The following RAB3C variants were observed in gnomAD, a reference collection of about 807,000 sequenced individuals.
RAB3C encodes the protein ras-related protein Rab-3C.
RAB3C carries 17 observed loss-of-function variants against 26.4 expected under a neutral mutation model. That is an observed-to-expected ratio of 0.64 (90% CI 0.44 to 0.97). RAB3C has a LOEUF of 0.97. Among genes scored for constraint, RAB3C ranks in the 50% least tolerant of loss-of-function variants. RAB3C has a pLI of 0.00. For synonymous variants in RAB3C, 91 were observed against 95.9 expected, an observed-to-expected ratio of 0.95 and a Z score of 0.30; for missense variants, 242 against 281.9, an observed-to-expected ratio of 0.86 and a Z score of 1.01.
At chr5:58,702,902 A>T (rs1748876470) in intron 2 of RAB3C, among the ~76,000 whole-genome samples, 1 of 152,168 alleles carries the variant, frequency 6.6e-6, no homozygotes, top group African/African-American at 2.4e-5. Flanking sequence ...CATGCTGTAA[A>T]ATTTTGGAAC....
At chr5:58,729,066 A>G (rs1740946980) in intron 3 of RAB3C, among the ~76,000 whole-genome samples, 1 of 151,948 alleles carries the variant, frequency 6.6e-6, no homozygotes, top group African/African-American at 2.4e-5. Context: ...ACCTTTATTC[A>G]TAACAGACAA....
chr5:58,588,270 A>G (rs1746053469), intron 1 of RAB3C, among the ~76,000 whole-genome samples: 1 of 152,220 alleles, frequency 6.6e-6, no homozygotes, highest in Non-Finnish European at 1.5e-5. Context: ...AAGCTTTATA[A>G]GAAACAATCA....
intron 3 of RAB3C, among the ~76,000 whole-genome samples, chr5:58,790,048 TC>T (rs1460184151): frequency 4.6e-5 from 7 of 152,342 alleles, no homozygotes; most frequent in African/African-American, 1.7e-4. Flanking sequence ...ATAAGTATTT[TC>T]CCCTTAACGG....
At chr5:58,747,497 C>A (rs1431783366) in intron 3 of RAB3C, among the ~76,000 whole-genome samples, 1 of 152,166 alleles carries the variant, frequency 6.6e-6, no homozygotes, top group Non-Finnish European at 1.5e-5. Context: ...CCTTTCACTT[C>A]TTTCTACCAT....
chr5:58,729,142 T>C (rs1193151991), intron 3 of RAB3C, among the ~76,000 whole-genome samples: 1 of 152,022 alleles, frequency 6.6e-6, no homozygotes, highest in Admixed American at 6.6e-5. Context: ...ACGTAAGACC[T>C]AGCGGACTCT....
intron 3 of RAB3C, among the ~76,000 whole-genome samples, chr5:58,740,536 T>A (rs1741254173): frequency 6.6e-6 from 1 of 152,194 alleles, no homozygotes; most frequent in African/African-American, 2.4e-5. Flanking sequence ...AAATAAAATA[T>A]CTTGGCCAGG....
At chr5:58,815,763 C>T (rs1743202724) in intron 3 of RAB3C, 1 of 152,104 alleles carries the variant, frequency 6.6e-6, no homozygotes, top group Non-Finnish European at 1.5e-5. Context: ...TTGCTGAATT[C>T]TGGAGACTTA....
chr5:58,677,483 G>A (rs1228124708), intron 2 of RAB3C, among the ~76,000 whole-genome samples: 1 of 152,158 alleles, frequency 6.6e-6, no homozygotes, highest in Non-Finnish European at 1.5e-5. Flanking sequence ...CTTGGTCTAA[G>A]GAATAAGACA....
chr5:58,735,291 C>T (rs1004068254), intron 3 of RAB3C, among the ~76,000 whole-genome samples: 1 of 152,178 alleles, frequency 6.6e-6, no homozygotes. Context: ...GTGTGTCAGA[C>T]AATTCAGATT....
chr5:58,583,105 C>A lies in RAB3C; in HGVS notation c.-104C>A. On this transcript the variant is annotated 5_prime_UTR_variant, in exon 1 of 5. Coordinates refer to ENST00000282878, the MANE Select transcript of RAB3C (RefSeq NM_138453.4). ...TGATGTTGGAGCCGGTTAGCGAACC[C>A]CAAGAGTGCAGAGTGTGGAGCGTGG... 1 of 1,588,816 alleles carries A rather than the reference C, an allele frequency of 6.3e-7. No individual in the cohort carries two copies. The highest frequency in any genetic ancestry group is 1.1e-5 in the South Asian group (1 of 88,344).
chr5:58,718,722 A>G (rs1051812074), intron 2 of RAB3C, among the ~76,000 whole-genome samples: 4 of 152,212 alleles, frequency 2.6e-5, no homozygotes, highest in Admixed American at 6.6e-5. Flanking sequence ...AGGCTGGTTT[A>G]TTAGTACTCT....
chr5:58,643,079 G>A (rs1747444113), intron 2 of RAB3C, among the ~76,000 whole-genome samples: 1 of 152,100 alleles, frequency 6.6e-6, no homozygotes, highest in Non-Finnish European at 1.5e-5. Context: ...ATTTCAAAAA[G>A]GAAAATGTGA....
intron 1 of RAB3C, among the ~76,000 whole-genome samples, chr5:58,584,920 A>G (rs891622257): frequency 3.3e-5 from 5 of 152,094 alleles, no homozygotes; most frequent in Admixed American, 6.6e-5. Context: ...GGAAACAGTT[A>G]AAATTATTTT....
At chr5:58,642,172 T>G (rs1459918084) in intron 2 of RAB3C, among the ~76,000 whole-genome samples, 2 of 152,256 alleles carry the variant, frequency 1.3e-5, no homozygotes, top group Non-Finnish European at 2.9e-5. Flanking sequence ...ATTCTAAACA[T>G]GGTGAACTGT....
chr5:58,690,642 T>G (rs1376393677), intron 2 of RAB3C, among the ~76,000 whole-genome samples: 1 of 152,144 alleles, frequency 6.6e-6, no homozygotes, highest in Non-Finnish European at 1.5e-5. Flanking sequence ...AACAGGGCAA[T>G]CCAGCTTCTT....
chr5:58,749,117 C>T (rs1054256095), intron 3 of RAB3C, among the ~76,000 whole-genome samples: 3 of 151,730 alleles, frequency 2.0e-5, no homozygotes, highest in African/African-American at 7.3e-5. Flanking sequence ...AAACTTCTAT[C>T]ATGCCCTTAC....
intron 1 of RAB3C, among the ~76,000 whole-genome samples, chr5:58,584,649 G>A (rs1257999542): frequency 6.6e-6 from 1 of 151,976 alleles, no homozygotes; most frequent in African/African-American, 2.4e-5. Flanking sequence ...TTTAAAAGTA[G>A]ATCATTATAC....
chr5:58,747,539 G>A (rs1175279744), intron 3 of RAB3C, among the ~76,000 whole-genome samples: 2 of 151,932 alleles, frequency 1.3e-5, no homozygotes, highest in South Asian at 4.2e-4. Flanking sequence ...GGTCACAGAT[G>A]GTAACCAAAA....
intron 2 of RAB3C, among the ~76,000 whole-genome samples, chr5:58,660,161 A>AAAAT (rs2111804681): frequency 6.6e-6 from 1 of 150,390 alleles, no homozygotes; most frequent in African/African-American, 2.5e-5. Flanking sequence ...AACAAAACAA[A>AAAAT]GCAAACAAAC....
Sources: gnomAD v4.1 joint callset for allele counts (sites outside exome capture counted in the v4.1 genomes callset) on GRCh38, gnomAD v4.1.1 for gene constraint, MANE v1.5 for transcripts, NCBI Gene and HGNC (gene_info 2026-07-23, HGNC 2026-07-21) for gene names.